Variants in COL5A2 observed in about 807,000 individuals in gnomAD.
COL5A2 encodes collagen alpha-2(V) chain.
A neutral mutation model predicts 208.2 loss-of-function variants in COL5A2; 23 were observed. That is an observed-to-expected ratio of 0.11 (90% CI 0.08 to 0.16). The LOEUF (loss-of-function observed/expected upper bound fraction) is 0.16, where lower values mean the gene tolerates loss of function less well. Among genes scored for constraint, COL5A2 ranks in the 10% least tolerant of loss-of-function variants. The probability of loss-of-function intolerance (pLI) is 1.00; values close to 1 mark genes in which losing one functional copy is unlikely to be tolerated. For synonymous variants in COL5A2, 625 were observed against 628.5 expected (o/e 0.99, Z 0.08); for missense variants, 1,590 against 1,956.4 (o/e 0.81, Z 3.53).
intron 6 of COL5A2, among the ~76,000 whole-genome samples, chr2:189,096,457 T>C (rs1686912406): frequency 6.6e-6 from 1 of 151,334 alleles, no homozygotes; most frequent in Non-Finnish European, 1.5e-5. Flanking sequence ...TCGTCTCTAC[T>C]AAAAAATACA....
intron 1 of COL5A2, among the ~76,000 whole-genome samples, chr2:189,153,088 G>C (rs1455444931): frequency 1.3e-5 from 2 of 152,090 alleles, no homozygotes; most frequent in Non-Finnish European, 2.9e-5. Flanking sequence ...ACAGTATCTG[G>C]TTGCCTATAT....
At chr2:189,257,336 C>T in the COL5A2 span, among the ~76,000 whole-genome samples, 4 of 152,162 alleles carry the variant, frequency 2.6e-5, no homozygotes, top group Non-Finnish European at 5.9e-5. Flanking sequence ...TATGACAATT[C>T]TCTGCCTAAA....
chr2:189,048,431 T>G (rs2153507765), intron 44 of COL5A2, among the ~76,000 whole-genome samples, 169 bp from the exon 45 acceptor site: 1 of 152,370 alleles, frequency 6.6e-6, no homozygotes, highest in Admixed American at 6.5e-5. Context: ...TTCATTATTT[T>G]GAATTACTGT....
chr2:189,277,158 T>C, the COL5A2 span, among the ~76,000 whole-genome samples: 1 of 152,108 alleles, frequency 6.6e-6, no homozygotes, highest in Non-Finnish European at 1.5e-5. Context: ...AATACATAAT[T>C]TGGGGACCAA....
chr2:189,178,388 A>G (rs1450313079), intron 1 of COL5A2, among the ~76,000 whole-genome samples: 1 of 152,038 alleles, frequency 6.6e-6, no homozygotes, highest in African/African-American at 2.4e-5. Flanking sequence ...TACATAGTAT[A>G]TATACATATA....
chr2:189,334,094 A>C, the COL5A2 span, among the ~76,000 whole-genome samples: 7 of 152,000 alleles, frequency 4.6e-5, no homozygotes, highest in African/African-American at 1.7e-4. Context: ...AATTCTTAGC[A>C]AATTAGGAAT....
the COL5A2 span, among the ~76,000 whole-genome samples, chr2:189,369,377 T>A: frequency 6.6e-6 from 1 of 152,154 alleles, no homozygotes; most frequent in Admixed American, 6.6e-5. Flanking sequence ...TTATTTTTTA[T>A]CTTTTTATGC....
At chr2:189,076,260 C>A (rs1686402771) in intron 16 of COL5A2, among the ~76,000 whole-genome samples, 2 of 152,078 alleles carry the variant, frequency 1.3e-5, no homozygotes, top group East Asian at 3.9e-4. Flanking sequence ...ACCCTAAGAC[C>A]ATTAATGTCA....
At chr2:189,080,069 T>C in intron 13 of COL5A2, 38 bp from the exon 14 acceptor site, 1 of 1,548,852 alleles carries the variant, frequency 6.5e-7, no homozygotes, top group Non-Finnish European at 8.9e-7. Context: ...TGTATCCTGT[T>C]TTTTTCAATC....
intron 1 of COL5A2, among the ~76,000 whole-genome samples, chr2:189,210,241 A>G (rs1476781813): frequency 6.6e-6 from 1 of 152,208 alleles, no homozygotes; most frequent in African/African-American, 2.4e-5. Context: ...AAAAAAGGAA[A>G]TAAAGAGAGT....
the COL5A2 span, among the ~76,000 whole-genome samples, chr2:189,326,563 C>A: frequency 2.6e-5 from 4 of 151,720 alleles, no homozygotes; most frequent in Non-Finnish European, 4.4e-5. Flanking sequence ...TGGTGGTGTG[C>A]GCGCCTGTAG....
At chr2:189,406,180 A>G in the COL5A2 span, among the ~76,000 whole-genome samples, 11 of 152,188 alleles carry the variant, frequency 7.2e-5, no homozygotes, top group Non-Finnish European at 1.2e-4. Context: ...GAAAAATATC[A>G]TTATCAAACA....
the COL5A2 span, among the ~76,000 whole-genome samples, chr2:189,327,761 T>C: frequency 6.6e-5 from 10 of 152,200 alleles, no homozygotes; most frequent in Non-Finnish European, 2.9e-5. Context: ...GGTAGAAGTT[T>C]AAAACAATAC....
the COL5A2 span, among the ~76,000 whole-genome samples, chr2:189,405,746 A>C: frequency 6.6e-6 from 1 of 152,232 alleles, no homozygotes; most frequent in African/African-American, 2.4e-5. Flanking sequence ...CTCACAGTGG[A>C]AAATGCATGT....
chr2:189,113,961 C>A (rs1019301066), intron 1 of COL5A2, among the ~76,000 whole-genome samples: 2 of 152,076 alleles, frequency 1.3e-5, no homozygotes, highest in South Asian at 4.1e-4. Context: ...CCTAGAAGAG[C>A]AGTTTCTTTC....
chr2:189,141,356 T>A (rs534656071), intron 1 of COL5A2, among the ~76,000 whole-genome samples: 6 of 152,300 alleles, frequency 3.9e-5, no homozygotes, highest in Non-Finnish European at 8.8e-5. Context: ...AGGTAGAAAT[T>A]ATTTGCCTAT....
rs373697801 is a variant in COL5A2 at position 189,223,387 on chromosome 2, C to A, written c.-42+1761G>T. On this transcript the variant is annotated intron_variant, in intron 1 of 10. Coordinates refer to the COL5A2 transcript ENST00000649966. ...CCTTTTTTTCCAAATTCAAATCATT[C>A]TCCTCATTCACTGAGTCTCTGTGAA... is the stretch of plus-strand genomic sequence containing the variant. Among the ~76,000 whole-genome samples the A allele has an allele frequency of 4.1e-4, 62 of 152,250 alleles. 1 individual carries two copies. The highest frequency in any genetic ancestry group is 1.2e-3 in the African/African-American group (50 of 41,558).
chr2:189,387,639 C>T, the COL5A2 span, among the ~76,000 whole-genome samples: 2 of 152,152 alleles, frequency 1.3e-5, no homozygotes, highest in African/African-American at 4.8e-5. Flanking sequence ...CTCAACAACT[C>T]CACTTCTGGG....
the COL5A2 span, among the ~76,000 whole-genome samples, chr2:189,428,850 A>G: frequency 6.6e-6 from 1 of 152,218 alleles, no homozygotes; most frequent in East Asian, 1.9e-4. Context: ...ATAGCAGCAC[A>G]AGAATGGCCT....
Sources: gnomAD v4.1 joint callset for allele counts (sites outside exome capture counted in the v4.1 genomes callset) on GRCh38, gnomAD v4.1.1 for gene constraint, MANE v1.5 for transcripts, NCBI Gene and HGNC (gene_info 2026-07-23, HGNC 2026-07-21) for gene names.